The following ALPK3 variants were observed in gnomAD, a reference collection of about 807,000 sequenced individuals.
ALPK3 encodes the protein alpha kinase 3.
Under a neutral mutation model 140.0 loss-of-function variants are expected in ALPK3, and 102 were observed. That is an observed-to-expected ratio of 0.73 (90% CI 0.62 to 0.86). The LOEUF is 0.86. Among genes scored for constraint, ALPK3 ranks in the 40% least tolerant of loss-of-function variants. The pLI is 0.00. For synonymous variants in ALPK3, 938 were observed against 898.5 expected (o/e 1.04, Z -0.79); for missense variants, 2,254 against 2,208.2 (o/e 1.02, Z -0.42).
intron 5 of ALPK3, among the ~76,000 whole-genome samples, chr15:84,845,704 A>G (rs74415035): frequency 0.068 from 10,308 of 152,254 alleles, 513 homozygotes; most frequent in East Asian, 0.19. Context: ...TAAAAACACT[A>G]ATGAACCATC....
chr15:84,843,325 G>A (rs1425246992), intron 5 of ALPK3, among the ~76,000 whole-genome samples: 4 of 152,176 alleles, frequency 2.6e-5, no homozygotes, highest in Non-Finnish European at 2.9e-5. Context: ...AAAATTAGCC[G>A]GGTGTGGTGG....
chr15:84,825,535 C>T (rs1275373611), intron 2 of ALPK3, among the ~76,000 whole-genome samples: 2 of 152,182 alleles, frequency 1.3e-5, no homozygotes, highest in Admixed American at 6.5e-5. Context: ...CATAGTTTCC[C>T]TGTTGTCTCA....
At position 84,839,942 on chromosome 15, in the gene ALPK3, C is replaced by G; in HGVS notation, c.663C>G (p.Phe221Leu). The G allele has an allele frequency of 6.2e-7, 1 of 1,613,618 alleles. No homozygotes were observed. Residue 221 changes from phenylalanine (F) to leucine (L), a missense_variant, in exon 5 of 14, where the codon TTC becomes TTG. Around this residue, in one of 3 missense-constraint regions of ALPK3, gnomAD observed 2,088 missense variants for 2,022.9 expected, o/e 1.03. Coordinates refer to ENST00000258888, the MANE Select transcript of ALPK3 (RefSeq NM_020778.5). ...TGCGCAAGCTCAGCCCCGACCGCTT[C>G]CAGCGAAAGCGGCGATTGAGCGGGG... ...DTLRKLSPDR[F>L]QRKRRLSGAQ... is the part of the protein sequence containing the mutation.
Position 84,856,636 on chromosome 15 carries a change from C to G in ALPK3, c.1898C>G (p.Thr633Arg), listed in dbSNP as rs1421827627. 6.2e-7 allele frequency: 1 copy of G among 1,614,042 alleles called. No homozygotes were observed. Among genetic ancestry groups the G allele is most frequent in the Admixed American group, 1.7e-5 (1 of 60,014 alleles). ...GATGGAACACAGACAGCCCAGAGGACACGTGCAGATAGGAAGACGCAGGTG... is the reference window on the plus strand; with the variant it reads ...GATGGAACACAGACAGCCCAGAGGAGACGTGCAGATAGGAAGACGCAGGTG... ...RGDGTQTAQR[T>R]RADRKTQVDA... The change falls in exon 6 of 14, where the codon ACA (threonine) becomes AGA (arginine). Residue 633 changes from threonine (T) to arginine (R), a missense_variant. This residue lies in a region of ALPK3 where 2,088 missense variants were observed against 2,022.9 expected (regional missense o/e 1.03). Coordinates refer to ENST00000258888, the MANE Select transcript of ALPK3 (RefSeq NM_020778.5).
rs2289138 is a variant in ALPK3 at position 84,864,333 on chromosome 15, A to G, written c.4500-109A>G. 80 of 1,153,004 alleles carry G rather than the reference A, an allele frequency of 6.9e-5. 1 individual carries two copies. The highest frequency in any genetic ancestry group is 9.8e-5 in the Non-Finnish European group (79 of 803,312). The allele number at this position is 1,153,004 out of a possible 1,614,324, so 71.4% of individuals were successfully genotyped here. A position where few individuals can be genotyped will look rare whatever the true frequency, so the allele number is the denominator to read the frequency against. On this transcript the variant is annotated intron_variant, in intron 11 of 13. Transcript: ENST00000258888. Reference sequence around the variant, plus strand: ...TCCTTTGGGCTCGGAGCTGAGAATTACATTCTTGGAAGGGCCCTTCTTTTA... The same window carrying G: ...TCCTTTGGGCTCGGAGCTGAGAATTGCATTCTTGGAAGGGCCCTTCTTTTA...
intron 5 of ALPK3, among the ~76,000 whole-genome samples, chr15:84,854,084 A>G (rs184264029): frequency 6.6e-6 from 1 of 151,698 alleles, no homozygotes; most frequent in East Asian, 1.9e-4. Context: ...ATTTACATAT[A>G]TTTTAATTAT....
Position 84,857,010 on chromosome 15 carries a change from C to T in ALPK3, c.2272C>T (p.Gln758Ter). 1 of 1,614,154 alleles carries T rather than the reference C, an allele frequency of 6.2e-7. No homozygotes were observed. The highest frequency in any genetic ancestry group is 8.5e-7 in the Non-Finnish European group (1 of 1,180,028). ...TCCTCTGAATATTGAATGTTTTGTA[C>T]AGACCCCAGAAGGGTCTTGTTTCCC... ...RAPLNIECFVQTPEGSCFPKK... is the reference protein window; with the variant it reads ...RAPLNIECFV The change falls in exon 6 of 14, where the codon CAG becomes TAG. Residue 758 changes from glutamine (Q) to a stop codon, truncating the protein, a stop_gained. Coordinates refer to ENST00000258888, the MANE Select transcript of ALPK3 (RefSeq NM_020778.5). LOFTEE classifies it high-confidence loss of function.
intron 9 of ALPK3, among the ~76,000 whole-genome samples, chr15:84,862,203 T>G (rs1420642053): frequency 2.0e-5 from 3 of 152,158 alleles, no homozygotes; most frequent in Non-Finnish European, 4.4e-5. Context: ...CTGCAAACTT[T>G]TTGTTTCAGT....
At chr15:84,836,887 G>A (rs1237171471) in intron 3 of ALPK3, among the ~76,000 whole-genome samples, 1 of 152,162 alleles carries the variant, frequency 6.6e-6, no homozygotes, top group Non-Finnish European at 1.5e-5. Context: ...CTAGGTGGGA[G>A]GGGAGGACTG....
In ALPK3 at chr15:84,827,596, A is replaced by G; in HGVS notation, c.295A>G (p.Ile99Val). Residue 99 changes from isoleucine to valine, a missense_variant, in exon 3 of 14, where the codon ATC becomes GTC. Ile to Val is a conservative substitution (Grantham distance 29). This residue lies in a region of ALPK3 where 2,088 missense variants were observed against 2,022.9 expected (regional missense o/e 1.03). Transcript: ENST00000258888. ...SEDSDVRFTC[I>V]VTGYPEPEVT... The stretch of plus-strand genomic sequence containing the variant: ...GGACAGCGACGTCAGGTTCACCTGC[A>G]TCGTCACAGGTAAGGATGCTGTCTG... 6.2e-7 allele frequency: 1 copy of G among 1,614,116 alleles called. No homozygotes were observed. Among genetic ancestry groups the G allele is most frequent in the Non-Finnish European group, 8.5e-7 (1 of 1,180,038 alleles).
Position 84,867,495 on chromosome 15 carries a change from C to T in ALPK3, c.4772+130C>T, listed in dbSNP as rs1964014992. ...AAGTGGTCCCAGACACACCCATGGC[C>T]ATGTGGTAACATCCTAGGGGCTACT... On this transcript the variant is annotated intron_variant, in intron 13 of 13. Coordinates refer to ENST00000258888, the MANE Select transcript of ALPK3 (RefSeq NM_020778.5). The T allele has an allele frequency of 6.1e-6, 6 of 990,676 alleles. No homozygotes were observed. In the Admixed American group the frequency reaches 1.2e-4, roughly 19 times the overall value. The allele number at this position is 990,676 out of a possible 1,614,324, so 61.4% of individuals were successfully genotyped here. A position where few individuals can be genotyped will look rare whatever the true frequency, so the allele number is the denominator to read the frequency against.
In ALPK3 at chr15:84,840,646, G is replaced by A. The variant is rs1284876860; in HGVS notation, c.1367G>A (p.Ser456Asn). 3 of 1,574,262 alleles carry A rather than the reference G, an allele frequency of 1.9e-6. No homozygotes were observed. Among genetic ancestry groups the A allele is most frequent in the East Asian group, 4.5e-5 (2 of 44,678 alleles). Residue 456 changes from serine to asparagine, a missense_variant, in exon 5 of 14, where the codon AGC becomes AAC. Around this residue, in one of 3 missense-constraint regions of ALPK3, gnomAD observed 2,088 missense variants for 2,022.9 expected, o/e 1.03. Coordinates refer to ENST00000258888, the MANE Select transcript of ALPK3 (RefSeq NM_020778.5). ...GGGAAGGCACCCCTCAGGGCTAGAA[G>A]CGAGGGGGTGCCTGGCGCTCCTGGC... ...PKGKAPLRAR[S>N]EGVPGAPGQP...
Position 84,859,289 on chromosome 15 carries a change from C to A in ALPK3, c.3864C>A (p.Ala1288=). The A allele has an allele frequency of 6.2e-7, 1 of 1,614,168 alleles. No homozygotes were observed. Among genetic ancestry groups the A allele is most frequent in the Non-Finnish European group, 8.5e-7 (1 of 1,180,018 alleles). ...TTCGGGTGGAGCAGTTTCCTGATGC[C>A]TCCGGTAGCCTGAAGCTGTGGTGCC... ...RKIRVEQFPD[A]SGSLKLWCQF... The change falls in exon 7 of 14, where the codon GCC becomes GCA. Residue 1288 remains alanine (A), a synonymous_variant. Coordinates refer to ENST00000258888, the MANE Select transcript of ALPK3 (RefSeq NM_020778.5).
At chr15:84,826,346 A>G (rs959181) in intron 2 of ALPK3, among the ~76,000 whole-genome samples, 128,504 of 152,170 alleles carry the variant, frequency 0.84, 54,675 homozygotes, top group African/African-American at 0.95. Flanking sequence ...CCCTTCCTCT[A>G]AGGCACAGGG....
In ALPK3 at chr15:84,840,342, T is replaced by A. The variant is rs775001362; in HGVS notation, c.1063T>A (p.Cys355Ser). ...CIPSSDEPDS[C>S]GTQGPVGVEQ... ...CCCCAGCTCAGACGAGCCTGACTCC[T>A]GTGGGACTCAGGGGCCCGTGGGCGT... Residue 355 changes from cysteine to serine, a missense_variant, in exon 5 of 14, where the codon TGT (cysteine) becomes AGT (serine). By Grantham distance (112) the Cys-to-Ser change is moderately radical. Transcript: ENST00000258888. 6.2e-7 allele frequency: 1 copy of A among 1,613,832 alleles called. No individual in the cohort carries two copies. The highest frequency in any genetic ancestry group is 1.1e-5 in the South Asian group (1 of 91,048).
chr15:84,839,849 G>A lies in ALPK3; in HGVS notation c.570G>A (p.Ala190=), dbSNP rs1017358996. ...TCGCCAAGTTGAAGCGCAAGGCTGC[G>A]GCAAAGCTGCGCGAGATCGAGCAGA... ...RWFAKLKRKA[A]AKLREIEQSW... Residue 190 remains alanine (A), a synonymous_variant, in exon 5 of 14, where the codon GCG becomes GCA. Coordinates refer to ENST00000258888, the MANE Select transcript of ALPK3 (RefSeq NM_020778.5). 6 of 1,613,970 alleles carry A rather than the reference G, an allele frequency of 3.7e-6. No individual in the cohort carries two copies. The highest frequency in any genetic ancestry group is 3.3e-5 in the South Asian group (3 of 91,092).
intron 1 of ALPK3, among the ~76,000 whole-genome samples, chr15:84,818,818 G>A (rs1378839352): frequency 6.6e-6 from 1 of 152,218 alleles, no homozygotes; most frequent in Non-Finnish European, 1.5e-5. Context: ...GCCCCTGGCT[G>A]CCAGGAAAGA....
intron 5 of ALPK3, among the ~76,000 whole-genome samples, chr15:84,849,587 A>G (rs1164090952): frequency 6.6e-6 from 1 of 152,228 alleles, no homozygotes; most frequent in Non-Finnish European, 1.5e-5. Flanking sequence ...ATGAAATTAA[A>G]CTAGAAATCA....
chr15:84,817,489 G>T lies in ALPK3; in HGVS notation c.37G>T (p.Ala13Ser), dbSNP rs936606117. ...SRRAPSRGWG[A>S]GGRSGAGGDG... is the part of the protein sequence containing the mutation. The stretch of plus-strand genomic sequence containing the variant: ...GAGGGCCCCCAGCCGGGGCTGGGGC[G>T]CGGGTGGGCGGTCGGGGGCGGGGGG... The change falls in exon 1 of 14, where the codon GCG becomes TCG. Residue 13 changes from alanine to serine, a missense_variant. Around this residue, in one of 3 missense-constraint regions of ALPK3, gnomAD observed 2,088 missense variants for 2,022.9 expected, o/e 1.03. Transcript: ENST00000258888. 1.5e-5 allele frequency: 22 copies of T among 1,437,214 alleles called. No individual in the cohort carries two copies. Among genetic ancestry groups the T allele is most frequent in the Non-Finnish European group, 2.0e-5 (22 of 1,102,278 alleles). The allele number at this position is 1,437,214 out of a possible 1,614,324, so 89.0% of individuals were successfully genotyped here.
Sources: gnomAD v4.1 joint callset for allele counts (sites outside exome capture counted in the v4.1 genomes callset) on GRCh38, gnomAD v4.1.1 for gene constraint, gnomAD v4.1.1 regional missense constraint, MANE v1.5 for transcripts, NCBI Gene and HGNC (gene_info 2026-07-23, HGNC 2026-07-21) for gene names.